The following VAT1L variants were observed in gnomAD, a reference collection of about 807,000 sequenced individuals.
VAT1L encodes the protein vesicle amine transport 1 like.
VAT1L carries 34 observed loss-of-function variants against 44.1 expected under a neutral mutation model. The observed-to-expected ratio is 0.77, with a 90% CI of 0.59 to 1.03. The LOEUF is 1.03. Ranked by LOEUF, VAT1L falls within the 50% of genes least tolerant of loss-of-function variation. The pLI, the probability that VAT1L is intolerant of heterozygous loss-of-function variation, is 0.00. For missense variants in VAT1L, 615 were observed against 538.8 expected (o/e 1.14, Z -1.40); for synonymous variants, 253 against 202.2 (o/e 1.25, Z -2.13).
intron 3 of VAT1L, among the ~76,000 whole-genome samples, chr16:77,862,153 A>T (rs2016921325): frequency 6.6e-6 from 1 of 152,192 alleles, no homozygotes; most frequent in South Asian, 2.1e-4. Flanking sequence ...GTGATTCTTA[A>T]CCACAGGACA....
chr16:77,973,765 G>T (rs144659365), intron 8 of VAT1L, among the ~76,000 whole-genome samples: 2 of 150,186 alleles, frequency 1.3e-5, no homozygotes, highest in East Asian at 2.0e-4. Flanking sequence ...TCGCTCTGTC[G>T]CCCAGGCTGG....
intron 7 of VAT1L, among the ~76,000 whole-genome samples, chr16:77,941,173 C>G (rs1201648803): frequency 6.6e-6 from 1 of 151,968 alleles, no homozygotes; most frequent in Non-Finnish European, 1.5e-5. Context: ...AAGGTGGTAC[C>G]TGGAATAAGC....
intron 7 of VAT1L, among the ~76,000 whole-genome samples, chr16:77,960,407 C>G (rs1329880874): frequency 6.6e-6 from 1 of 152,076 alleles, no homozygotes; most frequent in Non-Finnish European, 1.5e-5. Flanking sequence ...TTGAGATGCC[C>G]AGAAACTAGC....
chr16:77,898,454 A>C (rs2017347497), intron 7 of VAT1L, among the ~76,000 whole-genome samples: 1 of 152,246 alleles, frequency 6.6e-6, no homozygotes, highest in Admixed American at 6.5e-5. Context: ...GGCAAACTCC[A>C]GATTAAGTTC....
intron 7 of VAT1L, among the ~76,000 whole-genome samples, chr16:77,969,154 T>C (rs2018253456): frequency 6.6e-6 from 1 of 152,216 alleles, no homozygotes; most frequent in East Asian, 1.9e-4. Context: ...TTAGGAATGC[T>C]TCTGTTCTCA....
intron 7 of VAT1L, among the ~76,000 whole-genome samples, chr16:77,955,448 G>A (rs1447990374): frequency 6.6e-6 from 1 of 152,180 alleles, no homozygotes; most frequent in Non-Finnish European, 1.5e-5. Context: ...AATGGGGCCG[G>A]GCGTGGTGGC....
Position 77,885,079 on chromosome 16 carries a change from G to A in VAT1L, c.1077+277G>A, listed in dbSNP as rs530681847. ...AAATTTTGATCAATGTCTACAATTCGGTGTGGTTACAAGAGCATGTGTACA... is the reference window on the plus strand; with the variant it reads ...AAATTTTGATCAATGTCTACAATTCAGTGTGGTTACAAGAGCATGTGTACA... On this transcript the variant is annotated intron_variant, in intron 7 of 8. Coordinates refer to ENST00000302536, the MANE Select transcript of VAT1L (RefSeq NM_020927.3). Among the ~76,000 whole-genome samples, 12 of 152,212 alleles carry A rather than the reference G, an allele frequency of 7.9e-5. No individual in the cohort carries two copies. The East Asian group carries it at 9.7e-4, about 12-fold the overall frequency.
In VAT1L at chr16:77,913,664, T is replaced by C. The variant is rs80059591; in HGVS notation, c.1077+28862T>C. ...CCTTGGGACTCCACTCTGGGACATG[T>C]TGGCATCTGGACTGGGCCAGGTTAT... On this transcript the variant is annotated intron_variant, in intron 7 of 8. Transcript: ENST00000302536. Among the ~76,000 whole-genome samples the C allele has an allele frequency of 8.8e-3, 1,333 of 152,250 alleles. 20 individuals carry two copies. Among genetic ancestry groups the C allele is most frequent in the African/African-American group, 0.03 (1,247 of 41,540 alleles).
At chr16:77,957,255 C>A (rs1198089115) in intron 7 of VAT1L, among the ~76,000 whole-genome samples, 2 of 152,094 alleles carry the variant, frequency 1.3e-5, no homozygotes, top group African/African-American at 2.4e-5. Flanking sequence ...GGGTGAAAAC[C>A]TTCAGACATT....
chr16:77,841,451 G>T, intron 3 of VAT1L, among the ~76,000 whole-genome samples: 1 of 152,180 alleles, frequency 6.6e-6, no homozygotes, highest in Middle Eastern at 3.4e-3. Flanking sequence ...GGAATGCCTG[G>T]GTGTATTTCC....
intron 7 of VAT1L, among the ~76,000 whole-genome samples, chr16:77,968,334 T>G (rs2018244592): frequency 6.6e-6 from 1 of 152,154 alleles, no homozygotes; most frequent in South Asian, 2.1e-4. Flanking sequence ...GAAAGTCAAG[T>G]GGTGAAACAA....
chr16:77,817,102 A>G (rs2966052), intron 2 of VAT1L, 52 bp downstream of exon 2: 378,887 of 1,582,176 alleles, frequency 0.24, 47,051 homozygotes, highest in Admixed American at 0.3. Context: ...ATCCATTGAG[A>G]CAACAAAAGA....
At chr16:77,925,859 G>C (rs1325872292) in intron 7 of VAT1L, among the ~76,000 whole-genome samples, 1 of 152,084 alleles carries the variant, frequency 6.6e-6, no homozygotes, top group Non-Finnish European at 1.5e-5. Flanking sequence ...CCCTGCTTCT[G>C]GCTTTGAAAG....
At chr16:77,806,662 A>G (rs144198963) in intron 1 of VAT1L, among the ~76,000 whole-genome samples, 2 of 152,142 alleles carry the variant, frequency 1.3e-5, no homozygotes, top group East Asian at 3.9e-4. Flanking sequence ...TATTTTTCTA[A>G]TCTTCACTTC....
chr16:77,828,971 T>C (rs1270333151), intron 3 of VAT1L, among the ~76,000 whole-genome samples: 2 of 152,228 alleles, frequency 1.3e-5, no homozygotes, highest in African/African-American at 2.4e-5. Context: ...TTGCCACTTA[T>C]GGGAAACCGA....
chr16:77,812,134 T>G (rs1300429583), intron 1 of VAT1L, among the ~76,000 whole-genome samples: 1 of 150,236 alleles, frequency 6.7e-6, no homozygotes, highest in African/African-American at 2.5e-5. Context: ...CAGGCTGGAG[T>G]GCAGTGGAGT....
intron 8 of VAT1L, 70 bp downstream of exon 8, chr16:77,972,003 A>G: frequency 1.4e-6 from 2 of 1,472,368 alleles, no homozygotes; most frequent in Non-Finnish European, 1.9e-6. Flanking sequence ...AGATGCAGAC[A>G]CGGGTGGGGT....
Position 77,920,927 on chromosome 16 carries a change from C to CTGTGTGTG in VAT1L, c.1077+36139_1077+36146dup, listed in dbSNP as rs10553687. Among the ~76,000 whole-genome samples the CTGTGTGTG allele has an allele frequency of 3.3e-5, 5 of 150,788 alleles. No individual in the cohort carries two copies. The East Asian group carries it at 7.9e-4, about 24-fold the overall frequency. On this transcript the variant is annotated intron_variant, in intron 7 of 8. Coordinates refer to ENST00000302536, the MANE Select transcript of VAT1L (RefSeq NM_020927.3). ...ATCCTCATCATTAGGTGTCATATGACTGTGTGTGTGTGTGTGTGTGTAGTG... is the reference window on the plus strand; with the variant it reads ...ATCCTCATCATTAGGTGTCATATGACTGTGTGTGTGTGTGTGTGTGTGTGTGTGTAGTG...
In VAT1L at chr16:77,965,428, G is replaced by T. The variant is rs142628937; in HGVS notation, c.1078-6422G>T. 7.9e-5 allele frequency among the ~76,000 whole-genome samples: 12 copies of T among 152,288 alleles called. No homozygotes were observed. The East Asian group carries it at 2.1e-3, about 27-fold the overall frequency. On this transcript the variant is annotated intron_variant, in intron 7 of 8. Coordinates refer to ENST00000302536, the MANE Select transcript of VAT1L (RefSeq NM_020927.3). ...TGTCAAATTGGCCTCCCAGACACCA[G>T]AAGTGTCAGAGAAAGTCCAGATGTC...
Sources: gnomAD v4.1 joint callset for allele counts (sites outside exome capture counted in the v4.1 genomes callset) on GRCh38, gnomAD v4.1.1 for gene constraint, MANE v1.5 for transcripts, NCBI Gene and HGNC (gene_info 2026-07-23, HGNC 2026-07-21) for gene names.